Variants in GRM8 observed in about 807,000 individuals in gnomAD.
GRM8 encodes the protein metabotropic glutamate receptor 8.
Under a neutral mutation model 87.2 loss-of-function variants are expected in GRM8, and 47 were observed. The observed-to-expected ratio is 0.54, with a 90% CI of 0.43 to 0.69. The LOEUF is 0.69. Ranked by LOEUF, GRM8 falls within the 30% of genes least tolerant of loss-of-function variation. The pLI is 0.00. For missense variants in GRM8, 1,019 were observed against 1,139.2 expected (o/e 0.89, Z 1.52); for synonymous variants, 396 against 404.5 (o/e 0.98, Z 0.25).
Position 126,533,781 on chromosome 7 carries a change from C to T in GRM8, c.1601G>A (p.Cys534Tyr), listed in dbSNP as rs1296614211. Residue 534 changes from cysteine to tyrosine, a missense_variant, in exon 9 of 11, where the codon TGC becomes TAC. By Grantham distance (194) the Cys-to-Tyr change is radical. Transcript: ENST00000339582. ...TTCACAGCGTTCACAGTGCCAGCAG[C>T]AAGGGACCCCTTTCACCGTTTTCTT... is the stretch of plus-strand genomic sequence containing the variant. ...ERKKTVKGVP[C>Y]CWHCERCEGY... 1 of 1,613,924 alleles carries T rather than the reference C, an allele frequency of 6.2e-7. No homozygotes were observed. Among genetic ancestry groups the T allele is most frequent in the African/African-American group, 1.3e-5 (1 of 74,902 alleles).
intron 6 of GRM8, among the ~76,000 whole-genome samples, chr7:126,852,636 T>C (rs1797317120): frequency 6.6e-6 from 1 of 152,216 alleles, no homozygotes; most frequent in Non-Finnish European, 1.5e-5. Flanking sequence ...TTCTTAGAAA[T>C]CTTAAAATGT....
chr7:127,230,660 C>T (rs1053528506), intron 2 of GRM8, among the ~76,000 whole-genome samples: 7 of 152,036 alleles, frequency 4.6e-5, no homozygotes, highest in African/African-American at 1.5e-4. Context: ...TTGTAAGCGC[C>T]CTTACAAGGA....
At chr7:126,621,042 C>A (rs2151140867) in intron 7 of GRM8, among the ~76,000 whole-genome samples, 1 of 152,186 alleles carries the variant, frequency 6.6e-6, no homozygotes, top group South Asian at 2.1e-4. Context: ...ATTTTTAGCA[C>A]CCTTAAATAA....
intron 7 of GRM8, among the ~76,000 whole-genome samples, chr7:126,673,182 G>A (rs1350991829): frequency 6.6e-6 from 1 of 152,050 alleles, no homozygotes; most frequent in Admixed American, 6.5e-5. Context: ...CAGGGACTCT[G>A]GCCTTGTGAG....
intron 7 of GRM8, among the ~76,000 whole-genome samples, chr7:126,658,429 G>C (rs1804775896): frequency 6.6e-6 from 1 of 152,134 alleles, no homozygotes; most frequent in Non-Finnish European, 1.5e-5. Context: ...AGTAGGACTG[G>C]ATGAGCAGAG....
intron 8 of GRM8, among the ~76,000 whole-genome samples, chr7:126,544,762 C>A (rs1217604875): frequency 6.6e-6 from 1 of 152,108 alleles, no homozygotes; most frequent in Non-Finnish European, 1.5e-5. Flanking sequence ...CCCGCCTCGG[C>A]CTCCCAAAGT....
At chr7:126,825,792 C>T (rs1420110637) in intron 6 of GRM8, among the ~76,000 whole-genome samples, 1 of 151,914 alleles carries the variant, frequency 6.6e-6, no homozygotes, top group Non-Finnish European at 1.5e-5. Context: ...CATATGTATA[C>T]ATGTGCCATG....
chr7:126,644,684 G>C (rs900360574), intron 7 of GRM8, among the ~76,000 whole-genome samples: 1 of 152,118 alleles, frequency 6.6e-6, no homozygotes, highest in African/African-American at 2.4e-5. Context: ...CCCACAGTGG[G>C]GAAAGAACAA....
intron 2 of GRM8, among the ~76,000 whole-genome samples, chr7:127,205,552 G>A (rs938623779): frequency 6.6e-6 from 1 of 152,078 alleles, no homozygotes; most frequent in Non-Finnish European, 1.5e-5. Context: ...CATCTACAGG[G>A]CTACCACCAG....
intron 6 of GRM8, among the ~76,000 whole-genome samples, chr7:126,825,354 C>T (rs1794666435): frequency 6.6e-6 from 1 of 152,202 alleles, no homozygotes; most frequent in South Asian, 2.1e-4. Context: ...GCATGAGCCA[C>T]TATGCCCGGC....
chr7:126,594,006 A>C (rs1796932010), intron 8 of GRM8, among the ~76,000 whole-genome samples: 1 of 152,090 alleles, frequency 6.6e-6, no homozygotes. Context: ...GCCCAACATC[A>C]CAAATCATTA....
At chr7:126,466,551 G>T (rs998911785) in intron 9 of GRM8, among the ~76,000 whole-genome samples, 2 of 151,796 alleles carry the variant, frequency 1.3e-5, no homozygotes, top group African/African-American at 4.8e-5. Flanking sequence ...TCCATGATCT[G>T]CCACCTGCAG....
At chr7:126,779,390 C>T (rs906135905) in intron 6 of GRM8, among the ~76,000 whole-genome samples, 2 of 151,984 alleles carry the variant, frequency 1.3e-5, no homozygotes, top group African/African-American at 2.4e-5. Flanking sequence ...TATGCCAATG[C>T]TACATTTTTA....
chr7:126,828,790 T>A (rs2130357967), intron 6 of GRM8, among the ~76,000 whole-genome samples: 1 of 152,340 alleles, frequency 6.6e-6, no homozygotes, highest in East Asian at 1.9e-4. Context: ...TTAATTGTGA[T>A]GTTAGGGTGT....
intron 9 of GRM8, among the ~76,000 whole-genome samples, chr7:126,520,813 T>C (rs1190094380): frequency 6.6e-6 from 1 of 152,158 alleles, no homozygotes; most frequent in Admixed American, 6.6e-5. Flanking sequence ...CTCCCTCTAC[T>C]CATTGCCAGT....
chr7:126,744,895 T>C (rs1815461995), intron 7 of GRM8, among the ~76,000 whole-genome samples: 1 of 151,964 alleles, frequency 6.6e-6, no homozygotes, highest in Non-Finnish European at 1.5e-5. Context: ...AATATCACTC[T>C]TCTCACAATT....
intron 6 of GRM8, among the ~76,000 whole-genome samples, chr7:126,891,625 T>C (rs1801017346): frequency 6.6e-6 from 1 of 152,014 alleles, no homozygotes; most frequent in African/African-American, 2.4e-5. Context: ...ATAATAATAC[T>C]ACTGATAATC....
At chr7:127,016,688 A>C (rs1335076019) in intron 3 of GRM8, among the ~76,000 whole-genome samples, 1 of 152,102 alleles carries the variant, frequency 6.6e-6, no homozygotes, top group Non-Finnish European at 1.5e-5. Context: ...CTTTATAATA[A>C]CTAGGGTAAT....
intron 3 of GRM8, among the ~76,000 whole-genome samples, chr7:126,954,925 G>T (rs1808520057): frequency 6.6e-6 from 1 of 152,172 alleles, no homozygotes. Flanking sequence ...AGAAGAGTCT[G>T]TGAATAAATT....
Sources: gnomAD v4.1 joint callset for allele counts (sites outside exome capture counted in the v4.1 genomes callset) on GRCh38, gnomAD v4.1.1 for gene constraint, MANE v1.5 for transcripts, NCBI Gene and HGNC (gene_info 2026-07-23, HGNC 2026-07-21) for gene names.